SRP68: variants seen among roughly 807,000 people sequenced by gnomAD.
The protein encoded by SRP68 is signal recognition particle 68.
In SRP68, 15 loss-of-function variants were observed where a neutral mutation model predicts 82.2. The observed-to-expected ratio is 0.18, with a 90% CI of 0.12 to 0.28. SRP68 has a LOEUF of 0.28. Among genes scored for constraint, SRP68 ranks in the 10% least tolerant of loss-of-function variants. The pLI, the probability that SRP68 is intolerant of heterozygous loss-of-function variation, is 1.00. For synonymous variants in SRP68, 261 were observed against 292.6 expected (o/e 0.89, Z 1.10); for missense variants, 595 against 780.5 (o/e 0.76, Z 2.83).
chr17:76,054,622 C>T (rs1416253030), intron 8 of SRP68, among the ~76,000 whole-genome samples: 3 of 151,990 alleles, frequency 2.0e-5, no homozygotes, highest in Non-Finnish European at 2.9e-5. Flanking sequence ...GAGGCCGAGG[C>T]GGGTGGATTG....
At chr17:76,051,248 T>C (rs2066670166) in intron 8 of SRP68, among the ~76,000 whole-genome samples, 1 of 152,188 alleles carries the variant, frequency 6.6e-6, no homozygotes, top group Non-Finnish European at 1.5e-5. Context: ...GCTACACAGC[T>C]AGGGTAAGTG....
At chr17:76,069,614 G>T (rs989798582) in intron 2 of SRP68, among the ~76,000 whole-genome samples, 2 of 151,748 alleles carry the variant, frequency 1.3e-5, no homozygotes, top group African/African-American at 2.4e-5. Context: ...GGCTGAGGCA[G>T]AAGAATCACT....
intron 7 of SRP68, among the ~76,000 whole-genome samples, chr17:76,059,718 G>A (rs1157465644): frequency 4.6e-5 from 7 of 151,444 alleles, no homozygotes; most frequent in African/African-American, 1.7e-4. Context: ...AGGCCGAGGC[G>A]GGCAGATCAC....
At position 76,047,910 on chromosome 17, in the gene SRP68, G is replaced by C. The variant is rs1332315946; in HGVS notation, c.1138C>G (p.His380Asp). 1 of 1,534,038 alleles carries C rather than the reference G, an allele frequency of 6.5e-7. No homozygotes were observed. The highest frequency in any genetic ancestry group is 8.8e-7 in the Non-Finnish European group (1 of 1,132,076). The change falls in exon 10 of 16, where the codon CAT (histidine) becomes GAT (aspartate). Residue 380 changes from histidine to aspartate, a missense_variant. Physicochemically the swap from His to Asp is moderately conservative, Grantham distance 81. Transcript: ENST00000307877. ...PGKVSNLQYL[H>D]SYLTYIKLST... Reference sequence around the variant, plus strand: ...AAAAATTAAAATAACCCTTACCTATGCAAGTATTGAAGATTAGACACCTTC... The same window carrying C: ...AAAAATTAAAATAACCCTTACCTATCCAAGTATTGAAGATTAGACACCTTC...
At chr17:76,051,368 C>G (rs2066671233) in intron 8 of SRP68, among the ~76,000 whole-genome samples, 1 of 152,242 alleles carries the variant, frequency 6.6e-6, no homozygotes, top group Non-Finnish European at 1.5e-5. Flanking sequence ...ACCTGTGTGA[C>G]TGGCAGACCC....
intron 3 of SRP68, among the ~76,000 whole-genome samples, chr17:76,064,547 A>C (rs183153745): frequency 1.3e-4 from 20 of 152,144 alleles, no homozygotes; most frequent in African/African-American, 4.8e-4. Context: ...AGTCCTTAAG[A>C]GGCAGTATAT....
intron 4 of SRP68, among the ~76,000 whole-genome samples, chr17:76,062,765 A>AT (rs71161256): frequency 2.5e-4 from 18 of 73,340 alleles, no homozygotes; most frequent in South Asian, 3.7e-4. Flanking sequence ...ATATATATAT[A>AT]AAATATATAT....
In SRP68 at chr17:76,047,882, T is replaced by TA. The variant is rs770608973; in HGVS notation, c.1142+23dup. ...CAAATATTTTAATAATATTAAAAAG[T>TA]AAAAAAATTAAAATAACCCTTACCT... is the stretch of plus-strand genomic sequence containing the variant. On this transcript the variant is annotated intron_variant, in intron 10 of 15. Coordinates refer to ENST00000307877, the MANE Select transcript of SRP68 (RefSeq NM_014230.4). 7.4e-6 allele frequency: 10 copies of TA among 1,344,074 alleles called. No individual in the cohort carries two copies. In the South Asian group the frequency reaches 1.6e-4, roughly 21 times the overall value. The allele number at this position is 1,344,074 out of a possible 1,614,324, so 83.3% of individuals were successfully genotyped here.
intron 8 of SRP68, among the ~76,000 whole-genome samples, chr17:76,054,623 G>A (rs780420324): frequency 1.3e-4 from 20 of 152,050 alleles, no homozygotes; most frequent in Non-Finnish European, 2.4e-4. Context: ...AGGCCGAGGC[G>A]GGTGGATTGC....
chr17:76,041,759 G>C (rs2066591914), intron 13 of SRP68: 1 of 152,162 alleles, frequency 6.6e-6, no homozygotes, highest in Non-Finnish European at 1.5e-5. Flanking sequence ...CTGCATGCCA[G>C]TCTGTGGCTA....
At chr17:76,049,750 T>C (rs1312588172) in intron 9 of SRP68, 1 of 152,214 alleles carries the variant, frequency 6.6e-6, no homozygotes, top group Non-Finnish European at 1.5e-5. Context: ...ATATAATTCA[T>C]AAATAAATGC....
intron 4 of SRP68, among the ~76,000 whole-genome samples, chr17:76,063,769 G>A (rs563090471): frequency 2.5e-4 from 37 of 150,222 alleles, no homozygotes; most frequent in Non-Finnish European, 4.7e-4. Flanking sequence ...GGAATGAAGC[G>A]TTGCCCAATT....
Position 76,064,185 on chromosome 17 carries a change from A to G in SRP68, c.366-14T>C, listed in dbSNP as rs1308096106. On this transcript the variant is annotated splice_polypyrimidine_tract_variant and intron_variant, in intron 3 of 15. Coordinates refer to ENST00000307877, the MANE Select transcript of SRP68 (RefSeq NM_014230.4). ...AGAAGCAAGTATCTAGACCAGAGAC[A>G]GAAGTGGGGAGACAATAAAGGCCAT... 3.7e-6 allele frequency: 6 copies of G among 1,611,012 alleles called. No homozygotes were observed. The South Asian group carries it at 6.6e-5, about 18-fold the overall frequency.
chr17:76,044,086 A>G, intron 12 of SRP68, 128 bp from the exon 13 acceptor site: 1 of 1,023,274 alleles, frequency 9.8e-7, no homozygotes, highest in Non-Finnish European at 1.4e-6. Context: ...ACCGCATGGG[A>G]GCCCCCTTCA....
chr17:76,039,097 GCA>G lies in SRP68; in HGVS notation c.*607_*608del, dbSNP rs376294563. On this transcript the variant is annotated 3_prime_UTR_variant, in exon 16 of 16. Coordinates refer to ENST00000307877, the MANE Select transcript of SRP68 (RefSeq NM_014230.4). Reference sequence around the variant, plus strand: ...ATGAGGGAGGGCATATAAGAAATGGGCACAGTCTCCGTCATCTTTGCCTTTTA... The same window carrying G: ...ATGAGGGAGGGCATATAAGAAATGGGCAGTCTCCGTCATCTTTGCCTTTTA... 301 of 319,700 alleles carry G rather than the reference GCA, an allele frequency of 9.4e-4. 1 individual carries two copies. The highest frequency in any genetic ancestry group is 5.8e-3 in the African/African-American group (269 of 46,420). The allele number at this position is 319,700 out of a possible 1,614,324, so 19.8% of individuals were successfully genotyped here.
chr17:76,050,515 T>C lies in SRP68; in HGVS notation c.990A>G (p.Glu330=), dbSNP rs756126433. 2.5e-6 allele frequency: 4 copies of C among 1,613,264 alleles called. No homozygotes were observed. The South Asian group carries it at 4.4e-5, about 18-fold the overall frequency. The change falls in exon 9 of 16, where the codon GAA becomes GAG. Residue 330 remains glutamate (E), a synonymous_variant. Transcript: ENST00000307877. ...ATTCAAACAGGCGCTCCTTAGTTTC[T>C]TCGCTTTCAGCCTAAACAAGGGCAG... The part of the protein sequence containing the change: ...NEAAIVQAES[E]ETKERLFESM...
rs1442168195 is a variant in SRP68, at chr17:76,039,403, G to A, written c.*303C>T. ...CTGTGCCTGGTGTGGACTCCTGAAC[G>A]CATTACTGACCAAAGGCAATCAATC... On this transcript the variant is annotated 3_prime_UTR_variant, in exon 16 of 16. Coordinates refer to ENST00000307877, the MANE Select transcript of SRP68 (RefSeq NM_014230.4). 1.2e-5 allele frequency: 7 copies of A among 561,656 alleles called. No homozygotes were observed. Among genetic ancestry groups the A allele is most frequent in the Admixed American group, 2.2e-5 (1 of 45,436 alleles). The allele number at this position is 561,656 out of a possible 1,614,324, so 34.8% of individuals were successfully genotyped here.
chr17:76,071,984 A>G lies in SRP68; in HGVS notation c.184+324T>C. 1 of 455,612 alleles carries G rather than the reference A, an allele frequency of 2.2e-6. No individual in the cohort carries two copies. The allele number at this position is 455,612 out of a possible 1,614,324, so 28.2% of individuals were successfully genotyped here. On this transcript the variant is annotated intron_variant, in intron 1 of 15. Coordinates refer to ENST00000307877, the MANE Select transcript of SRP68 (RefSeq NM_014230.4). The surrounding 1 kb of genome is among the most constrained non-coding windows in gnomAD (Gnocchi z 4.7). ...TTCCTCTCCCCAGTTCAGTGGCTCA[A>G]GGTGCCAAAGCAAGGTGCTCAAGGT...
At chr17:76,062,905 G>A (rs966025808) in intron 4 of SRP68, among the ~76,000 whole-genome samples, 1 of 147,330 alleles carries the variant, frequency 6.8e-6, no homozygotes, top group African/African-American at 2.5e-5. Flanking sequence ...TGAGTAGCTG[G>A]GACTACAGGT....
Sources: allele counts gnomAD v4.1 joint callset (sites outside exome capture counted in the v4.1 genomes callset), GRCh38; gene constraint gnomAD v4.1.1; non-coding constraint Gnocchi (gnomAD v3.1); transcripts MANE v1.5; gene names NCBI Gene and HGNC (gene_info 2026-07-23, HGNC 2026-07-21).